MAP4K3: variants seen among roughly 807,000 people sequenced by gnomAD.
MAP4K3 encodes the protein MAPK/ERK kinase kinase kinase 3.
In MAP4K3, 94 loss-of-function variants were observed where a neutral mutation model predicts 143.5. The observed-to-expected ratio is 0.65, with a 90% CI of 0.55 to 0.78. MAP4K3 has a LOEUF of 0.78. Among genes scored for constraint, MAP4K3 ranks in the 30% least tolerant of loss-of-function variants. The pLI is 0.00. For synonymous variants in MAP4K3, 416 were observed against 347.2 expected, an observed-to-expected ratio of 1.20 and a Z score of -2.20; for missense variants, 1,077 against 1,068.1, an observed-to-expected ratio of 1.01 and a Z score of -0.12.
chr2:39,358,992 C>A (rs1456121460), intron 2 of MAP4K3, among the ~76,000 whole-genome samples: 1 of 152,176 alleles, frequency 6.6e-6, no homozygotes, highest in Non-Finnish European at 1.5e-5. Flanking sequence ...ACAATCATGT[C>A]TTTCCAACAG....
chr2:39,323,643 C>T (rs2148513627), intron 12 of MAP4K3: 1 of 152,146 alleles, frequency 6.6e-6, no homozygotes, highest in South Asian at 2.1e-4. Context: ...ACATCATGAT[C>T]ATGATTAGAA....
intron 12 of MAP4K3, among the ~76,000 whole-genome samples, chr2:39,321,253 T>A (rs1683290137): frequency 6.6e-6 from 1 of 152,180 alleles, no homozygotes; most frequent in Non-Finnish European, 1.5e-5. Context: ...AAAAAATTCT[T>A]CTGCCTTGAC....
intron 3 of MAP4K3, among the ~76,000 whole-genome samples, chr2:39,352,254 G>T (rs916558161): frequency 3.9e-5 from 6 of 152,110 alleles, no homozygotes; most frequent in Non-Finnish European, 8.8e-5. Flanking sequence ...TCCTGCCACT[G>T]CACAGCAGCC....
intron 8 of MAP4K3, 26 bp downstream of exon 8, chr2:39,331,891 T>C (rs1170977600): frequency 1.1e-5 from 16 of 1,431,230 alleles, no homozygotes; most frequent in Non-Finnish European, 1.5e-5. Context: ...GAACAAAGTA[T>C]TAAATATCAA....
intron 2 of MAP4K3, among the ~76,000 whole-genome samples, chr2:39,365,121 T>C (rs1323600076): frequency 6.6e-6 from 1 of 152,164 alleles, no homozygotes; most frequent in Non-Finnish European, 1.5e-5. Flanking sequence ...ATAAAATACT[T>C]CTATTTCTTT....
chr2:39,326,401 A>C (rs1345193970), intron 8 of MAP4K3, 124 bp from the exon 9 acceptor site: 4 of 953,502 alleles, frequency 4.2e-6, no homozygotes, highest in Non-Finnish European at 6.3e-6. Context: ...GTTTTTGAAA[A>C]ATAAATATGC....
intron 1 of MAP4K3, among the ~76,000 whole-genome samples, chr2:39,408,288 C>T (rs1572498155): frequency 6.6e-6 from 1 of 152,162 alleles, no homozygotes; most frequent in Middle Eastern, 3.4e-3. Flanking sequence ...ACCCAGATCC[C>T]AGGAGTTCAA....
chr2:39,259,414 G>A (rs1484137543), intron 29 of MAP4K3, among the ~76,000 whole-genome samples: 3 of 152,100 alleles, frequency 2.0e-5, no homozygotes, highest in Non-Finnish European at 4.4e-5. Flanking sequence ...CATACTCAAT[G>A]ATCACTCTTA....
chr2:39,363,311 G>A (rs1044466027), intron 2 of MAP4K3, among the ~76,000 whole-genome samples: 1 of 152,124 alleles, frequency 6.6e-6, no homozygotes, highest in African/African-American at 2.4e-5. Flanking sequence ...TATCTGATGA[G>A]GGGTTACTAG....
intron 1 of MAP4K3, among the ~76,000 whole-genome samples, chr2:39,404,617 C>CTTTTTTTTTT (rs1174319224): frequency 5.8e-5 from 5 of 86,132 alleles, no homozygotes; most frequent in Admixed American, 1.3e-4. Flanking sequence ...TTCTTTCTTT[C>CTTTTTTTTTT]TTTTTTTTTT....
intron 3 of MAP4K3, among the ~76,000 whole-genome samples, chr2:39,352,722 A>C (rs756334018): frequency 6.6e-6 from 1 of 152,192 alleles, no homozygotes; most frequent in Non-Finnish European, 1.5e-5. Context: ...GTATTTCTTC[A>C]TAAGCGAGCA....
intron 12 of MAP4K3, among the ~76,000 whole-genome samples, chr2:39,320,026 T>C (rs1683252109): frequency 6.6e-6 from 1 of 152,170 alleles, no homozygotes; most frequent in Admixed American, 6.6e-5. Context: ...CAAACTCCTT[T>C]CTAGCAATGT....
intron 22 of MAP4K3, among the ~76,000 whole-genome samples, chr2:39,281,318 T>C (rs919002419): frequency 1.3e-5 from 2 of 152,178 alleles, no homozygotes; most frequent in Admixed American, 6.5e-5. Context: ...AATTAAAACA[T>C]GGACCTTAAA....
At chr2:39,415,980 A>ATATATATATATAT (rs1159823679) in intron 1 of MAP4K3, among the ~76,000 whole-genome samples, 2 of 14,754 alleles carry the variant, frequency 1.4e-4, no homozygotes, top group Admixed American at 7.2e-4. Context: ...AAAAAAAAAA[A>ATATATATATATAT]ATATATATAT....
chr2:39,279,144 T>C (rs1681400401), intron 23 of MAP4K3, among the ~76,000 whole-genome samples: 2 of 152,152 alleles, frequency 1.3e-5, no homozygotes, highest in African/African-American at 4.8e-5. Context: ...AGCAGGCAAC[T>C]TGAAGAAAAG....
intron 4 of MAP4K3, among the ~76,000 whole-genome samples, chr2:39,338,284 T>A (rs901290051): frequency 3.9e-5 from 6 of 152,240 alleles, no homozygotes; most frequent in African/African-American, 1.4e-4. Flanking sequence ...TGGCTTTTAT[T>A]AAAGCTTTTT....
At chr2:39,310,725 T>C (rs949941776) in intron 13 of MAP4K3, among the ~76,000 whole-genome samples, 2 of 152,352 alleles carry the variant, frequency 1.3e-5, no homozygotes, top group Admixed American at 1.3e-4. Flanking sequence ...AATTCCCTTT[T>C]CTCTGCATTT....
At chr2:39,436,493 T>C (rs1210243829) in intron 1 of MAP4K3, 2 of 178,676 alleles carry the variant, frequency 1.1e-5, no homozygotes, top group South Asian at 2.1e-4. Flanking sequence ...CGACCCCAGG[T>C]TGGCGTGAAG....
rs1680068832 is a variant in MAP4K3 at position 39,249,549 on chromosome 2, T to A, written c.*1069A>T. ...GTGATGTGTAGTAACCATTATATTG[T>A]TTGTATGAGGTAGTAACTAAATTAT... On this transcript the variant is annotated 3_prime_UTR_variant, in exon 34 of 34. Transcript: ENST00000263881. 1.3e-5 allele frequency: 2 copies of A among 152,612 alleles called. No individual in the cohort carries two copies. The highest frequency in any genetic ancestry group is 1.3e-4 in the Admixed American group (2 of 15,276). The allele number at this position is 152,612 out of a possible 1,614,324, so 9.5% of individuals were successfully genotyped here. A position where few individuals can be genotyped will look rare whatever the true frequency, so the allele number is the denominator to read the frequency against.
Sources: gnomAD v4.1 joint callset for allele counts (sites outside exome capture counted in the v4.1 genomes callset) on GRCh38, gnomAD v4.1.1 for gene constraint, MANE v1.5 for transcripts, NCBI Gene and HGNC (gene_info 2026-07-23, HGNC 2026-07-21) for gene names.